Variants in SNX8 observed in about 807,000 individuals in gnomAD.
SNX8 encodes the protein sorting nexin-8.
In SNX8, 25 loss-of-function variants were observed where a neutral mutation model predicts 51.6. The ratio of observed to expected loss-of-function variants is 0.48; its 90% CI spans 0.35 to 0.68. SNX8 has a LOEUF of 0.68. SNX8 is among the 30% of genes least tolerant of loss of function. The pLI, the probability that SNX8 is intolerant of heterozygous loss-of-function variation, is 0.00. For missense variants in SNX8, 695 were observed against 624.0 expected, an observed-to-expected ratio of 1.11 and a Z score of -1.21; for synonymous variants, 324 against 277.0, an observed-to-expected ratio of 1.17 and a Z score of -1.68.
intron 1 of SNX8, among the ~76,000 whole-genome samples, chr7:2,348,044 G>T (rs1252543056): frequency 3.3e-5 from 5 of 152,132 alleles, no homozygotes; most frequent in Admixed American, 2.0e-4. Flanking sequence ...AGAAATTACT[G>T]AGATACTGAG....
At chr7:2,298,185 A>G (rs764453841) in intron 1 of SNX8, among the ~76,000 whole-genome samples, 2 of 152,004 alleles carry the variant, frequency 1.3e-5, no homozygotes, top group Non-Finnish European at 2.9e-5. Context: ...CACAGCTCGC[A>G]CAGTGCGAGA....
intron 1 of SNX8, among the ~76,000 whole-genome samples, chr7:2,282,811 T>C (rs1447478315): frequency 6.6e-6 from 1 of 151,634 alleles, no homozygotes; most frequent in Non-Finnish European, 1.5e-5. Context: ...ATTCCATCTC[T>C]ACTAAACACA....
rs186350113 is a variant in SNX8, at chr7:2,254,770, C to T, written c.*286G>A. Reference sequence around the variant, plus strand: ...ACAATCTCTGTGAGATGAGAGATCCCTGCCTCCCCGCACAGCTCTGGGTGT... The same window carrying T: ...ACAATCTCTGTGAGATGAGAGATCCTTGCCTCCCCGCACAGCTCTGGGTGT... On this transcript the variant is annotated 3_prime_UTR_variant, in exon 11 of 11. Transcript: ENST00000222990. The T allele has an allele frequency of 6.4e-5, 31 of 481,898 alleles. No homozygotes were observed. The highest frequency in any genetic ancestry group is 1.1e-3 in the Middle Eastern group (2 of 1,764). 29.9% of individuals were successfully genotyped at this position (481,898 alleles called of 1,614,324 possible).
upstream of SNX8, among the ~76,000 whole-genome samples, chr7:2,318,486 T>C (rs980984887): frequency 6.9e-6 from 1 of 144,782 alleles, no homozygotes; most frequent in African/African-American, 2.6e-5. Context: ...ATCATGCCAC[T>C]GCACTCCAGC....
At chr7:2,275,027 G>A (rs1795742759) in intron 3 of SNX8, 85 bp downstream of exon 3, 1 of 916,288 alleles carries the variant, frequency 1.1e-6, no homozygotes, top group South Asian at 1.3e-5. Context: ...GGTCTACAGT[G>A]GGGTCCATCC....
At chr7:2,290,966 C>T (rs549532552) in intron 1 of SNX8, among the ~76,000 whole-genome samples, 18 of 152,288 alleles carry the variant, frequency 1.2e-4, no homozygotes, top group African/African-American at 4.3e-4. Flanking sequence ...TGTCTTCCTG[C>T]AATGGTCTCA....
At chr7:2,353,412 T>C (rs1489691147) in intron 1 of SNX8, among the ~76,000 whole-genome samples, 4 of 152,012 alleles carry the variant, frequency 2.6e-5, no homozygotes, top group Admixed American at 6.6e-5. Context: ...AAAAAAACTA[T>C]AGGATGAAAT....
intron 2 of SNX8, 26 bp from the exon 3 acceptor site, chr7:2,275,255 A>C (rs374038025): frequency 2.0e-6 from 3 of 1,509,282 alleles, no homozygotes; most frequent in Non-Finnish European, 2.8e-6. Context: ...CGGTGCTTAG[A>C]TCCGACGTTG....
At chr7:2,285,211 C>CAA (rs58401507) in intron 1 of SNX8, among the ~76,000 whole-genome samples, 948 of 70,874 alleles carry the variant, frequency 0.013, 40 homozygotes, top group East Asian at 0.088. Flanking sequence ...GACTCCGTCT[C>CAA]AAAAAAAAAA....
chr7:2,265,120 C>T (rs1402566737), intron 5 of SNX8, among the ~76,000 whole-genome samples: 1 of 152,118 alleles, frequency 6.6e-6, no homozygotes, highest in Non-Finnish European at 1.5e-5. Context: ...TTTGGGAGGC[C>T]GAGTAGGGCG....
At chr7:2,337,823 C>A in intron 1 of SNX8, among the ~76,000 whole-genome samples, 1 of 136,634 alleles carries the variant, frequency 7.3e-6, no homozygotes. Context: ...TATAAAGGAA[C>A]TTCCTCAAGC....
At chr7:2,304,266 CG>C (rs1002829015) in intron 1 of SNX8, among the ~76,000 whole-genome samples, 28 of 152,046 alleles carry the variant, frequency 1.8e-4, no homozygotes, top group African/African-American at 6.8e-4. Flanking sequence ...TCTCCCCGGC[CG>C]GGCACGGCAG....
chr7:2,268,467 C>CA (rs1795543782), intron 5 of SNX8, among the ~76,000 whole-genome samples: 2 of 141,966 alleles, frequency 1.4e-5, no homozygotes, highest in Admixed American at 6.9e-5. Flanking sequence ...GTCAGCCCCC[C>CA]GCCCGGCCAG....
intron 1 of SNX8, among the ~76,000 whole-genome samples, chr7:2,340,843 G>A (rs1381129110): frequency 7.9e-6 from 1 of 126,478 alleles, no homozygotes; most frequent in Admixed American, 9.3e-5. Context: ...GGTAACAGAG[G>A]GAGGCTGCTT....
chr7:2,351,489 C>T (rs895210261), intron 1 of SNX8, among the ~76,000 whole-genome samples: 1 of 151,704 alleles, frequency 6.6e-6, no homozygotes, highest in African/African-American at 2.4e-5. Flanking sequence ...CAGTGAGGTG[C>T]GACGGCACCA....
chr7:2,301,674 G>A (rs897186024), intron 1 of SNX8, among the ~76,000 whole-genome samples: 1 of 152,188 alleles, frequency 6.6e-6, no homozygotes, highest in Non-Finnish European at 1.5e-5. Context: ...GCATCCACGT[G>A]TTGCCATGGT....
intron 8 of SNX8, 107 bp from the exon 9 acceptor site, chr7:2,257,621 C>T (rs766738783): frequency 1.3e-6 from 2 of 1,561,324 alleles, no homozygotes; most frequent in East Asian, 2.2e-5. Context: ...CCCGTCTTCC[C>T]CTGCAGCCCT....
intron 1 of SNX8, among the ~76,000 whole-genome samples, chr7:2,319,976 T>A (rs1239604082): frequency 1.3e-5 from 2 of 152,050 alleles, no homozygotes; most frequent in African/African-American, 4.8e-5. Context: ...GGAGACTACA[T>A]CTCAAAACAA....
rs537723340 is a variant in SNX8 at position 2,310,153 on chromosome 7, T to A, written c.94+4175A>T. ...ATATTTCTATCCATGTATTAATCGA[T>A]CCCGAGAAATCAGGCTGGACGACCA... is the stretch of plus-strand genomic sequence containing the variant. On this transcript the variant is annotated intron_variant, in intron 1 of 10. Transcript: ENST00000222990. 7.2e-5 allele frequency among the ~76,000 whole-genome samples: 11 copies of A among 151,998 alleles called. No homozygotes were observed. The East Asian group carries it at 1.9e-3, about 27-fold the overall frequency.
Sources: gnomAD v4.1 joint callset for allele counts (sites outside exome capture counted in the v4.1 genomes callset) on GRCh38, gnomAD v4.1.1 for gene constraint, MANE v1.5 for transcripts, NCBI Gene and HGNC (gene_info 2026-07-23, HGNC 2026-07-21) for gene names.